EDA: variants seen among roughly 807,000 people sequenced by gnomAD.
EDA encodes the protein ectodysplasin A, also known as ectodysplasin-A.
A neutral mutation model predicts 23.6 loss-of-function variants in EDA; 2 were observed. That is an observed-to-expected ratio of 0.08 (90% confidence interval 0.03 to 0.27). The LOEUF (loss-of-function observed/expected upper bound fraction) is 0.27. EDA is among the 10% of genes least tolerant of loss of function. The pLI is 1.00. For missense variants in EDA, 229 were observed against 324.2 expected (o/e 0.71, Z 2.26); for synonymous variants, 131 against 132.0 (o/e 0.99, Z 0.05).
At chrX:69,808,774 A>G (rs887660589) in intron 1 of EDA, among the ~76,000 whole-genome samples, 1 of 112,412 alleles carries the variant, frequency 8.9e-6, no homozygotes, top group Non-Finnish European at 1.9e-5. Flanking sequence ...TAGACACTAA[A>G]TATTAACAAA....
At chrX:69,866,510 G>A (rs865777986) in intron 1 of EDA, among the ~76,000 whole-genome samples, 10 of 111,232 alleles carry the variant, frequency 9.0e-5, no homozygotes, top group African/African-American at 1.6e-4. Flanking sequence ...GTAATGTTGC[G>A]GGAACAGGAG....
intron 1 of EDA, among the ~76,000 whole-genome samples, chrX:69,723,052 T>C (rs965978648): frequency 3.6e-5 from 4 of 112,159 alleles, no homozygotes; most frequent in African/African-American, 1.3e-4. Context: ...CAGTCATAAC[T>C]TCACCTTTGA....
intron 1 of EDA, among the ~76,000 whole-genome samples, chrX:69,708,460 C>T (rs1251857401): frequency 9.7e-6 from 1 of 102,602 alleles, no homozygotes; most frequent in African/African-American, 3.6e-5. Context: ...TAGGTAAGGA[C>T]TCAAGTATGG....
At chrX:69,747,388 A>G (rs1480526860) in intron 1 of EDA, among the ~76,000 whole-genome samples, 1 of 112,773 alleles carries the variant, frequency 8.9e-6, no homozygotes, top group Non-Finnish European at 1.9e-5. Flanking sequence ...AAGGGAAAGT[A>G]TGAGCAGTGT....
intron 1 of EDA, among the ~76,000 whole-genome samples, chrX:69,822,694 T>A (rs766458423): frequency 2.2e-4 from 25 of 111,749 alleles, no homozygotes; most frequent in South Asian, 7.6e-4. Context: ...TCTATTTTTT[T>A]AATTTATTTA....
At chrX:70,031,209 CA>C (rs906726271) in intron 6 of EDA, among the ~76,000 whole-genome samples, 2 of 112,363 alleles carry the variant, frequency 1.8e-5, no homozygotes, top group Non-Finnish European at 3.8e-5. Flanking sequence ...CTCCTTTTTA[CA>C]AGACAGAAAG....
At chrX:69,761,868 GC>G (rs1456224609) in intron 1 of EDA, among the ~76,000 whole-genome samples, 1 of 111,696 alleles carries the variant, frequency 9.0e-6, no homozygotes, top group Non-Finnish European at 1.9e-5. Context: ...AAACAAATAT[GC>G]TTGTTACTTT....
intron 2 of EDA, among the ~76,000 whole-genome samples, chrX:69,978,650 C>A (rs2019358659): frequency 9.0e-6 from 1 of 111,082 alleles, no homozygotes; most frequent in Non-Finnish European, 1.9e-5. Flanking sequence ...TATTCTAGAA[C>A]AATTTCATCA....
At chrX:69,987,420 G>GT (rs2019517416) in intron 2 of EDA, among the ~76,000 whole-genome samples, 1 of 108,904 alleles carries the variant, frequency 9.2e-6, no homozygotes, top group Admixed American at 9.8e-5. Context: ...AATACCCTGG[G>GT]TATAACACAA....
chrX:69,796,561 G>A (rs1220672035), intron 1 of EDA, among the ~76,000 whole-genome samples: 4 of 111,868 alleles, frequency 3.6e-5, no homozygotes, highest in African/African-American at 9.7e-5. Context: ...CCACAGATAC[G>A]TCTTCAGGAA....
chrX:69,661,502 C>A (rs1213201716), intron 1 of EDA, among the ~76,000 whole-genome samples: 2 of 110,797 alleles, frequency 1.8e-5, no homozygotes, highest in Non-Finnish European at 3.8e-5. Flanking sequence ...AGTCTTTAAT[C>A]CATTTAGAAT....
chrX:70,016,078 A>AT (rs1569401767), intron 2 of EDA, among the ~76,000 whole-genome samples: 1 of 111,632 alleles, frequency 9.0e-6, no homozygotes, highest in Non-Finnish European at 1.9e-5. Context: ...AGGGATTGCT[A>AT]TTTTAACTTC....
intron 1 of EDA, among the ~76,000 whole-genome samples, chrX:69,774,132 A>T (rs2014711958): frequency 8.9e-6 from 1 of 111,842 alleles, no homozygotes; most frequent in Admixed American, 9.5e-5. Context: ...TCTGGCTGAG[A>T]CAAAAGCTAT....
chrX:69,842,155 G>A (rs1466086843), intron 1 of EDA, among the ~76,000 whole-genome samples: 3 of 111,273 alleles, frequency 2.7e-5, no homozygotes, highest in African/African-American at 6.5e-5. Flanking sequence ...CCTAAGTTCC[G>A]CCTTCTATCA....
rs766703940 is a variant in EDA, at chrX:69,683,121, G to C, written c.396+66417G>C. ...TCATAGAGGTGTTTTGAGGATTAAAGGGGTTTATATTTAAAACACAAAAAC... is the reference window on the plus strand; with the variant it reads ...TCATAGAGGTGTTTTGAGGATTAAACGGGTTTATATTTAAAACACAAAAAC... On this transcript the variant is annotated intron_variant, in intron 1 of 7. Transcript: ENST00000374552. Among the ~76,000 whole-genome samples, 84 of 111,084 alleles carry C rather than the reference G, an allele frequency of 7.6e-4. 1 individual carries two copies. The highest frequency in any genetic ancestry group is 1.9e-3 in the South Asian group (5 of 2,571).
At chrX:69,622,371 CTTGGTA>C (rs1470985323) in intron 1 of EDA, among the ~76,000 whole-genome samples, 1 of 112,348 alleles carries the variant, frequency 8.9e-6, no homozygotes, top group East Asian at 2.8e-4. Context: ...CTTACTAACA[CTTGGTA>C]TTGCCAGTCT....
At chrX:69,795,082 G>A (rs955242472) in intron 1 of EDA, among the ~76,000 whole-genome samples, 3 of 111,768 alleles carry the variant, frequency 2.7e-5, no homozygotes, top group Non-Finnish European at 3.8e-5. Flanking sequence ...GCAGTGCAGT[G>A]GCACAATCAT....
intron 1 of EDA, among the ~76,000 whole-genome samples, chrX:69,787,881 G>C (rs1167554261): frequency 8.9e-6 from 1 of 111,741 alleles, no homozygotes; most frequent in African/African-American, 3.3e-5. Context: ...ATATCCTGCA[G>C]AGTGTTTTCC....
intron 1 of EDA, among the ~76,000 whole-genome samples, chrX:69,691,580 G>A (rs184675976): frequency 1.2e-3 from 130 of 111,753 alleles, no homozygotes; most frequent in African/African-American, 4.1e-3. Flanking sequence ...GAAAGTAAAA[G>A]CACAGCTGGG....
Sources: allele counts gnomAD v4.1 joint callset (sites outside exome capture counted in the v4.1 genomes callset), GRCh38; gene constraint gnomAD v4.1.1; transcripts MANE v1.5; gene names NCBI Gene and HGNC (gene_info 2026-07-23, HGNC 2026-07-21).